NAALADL2: variants seen among roughly 807,000 people sequenced by gnomAD.
NAALADL2 encodes the protein N-acetylated alpha-linked acidic dipeptidase like 2.
In NAALADL2, 76 loss-of-function variants were observed where a neutral mutation model predicts 87.2. That is an observed-to-expected ratio of 0.87 (90% CI 0.72 to 1.05). The LOEUF is 1.05. Among genes scored for constraint, NAALADL2 ranks in the 50% least tolerant of loss-of-function variants. NAALADL2 has a pLI of 0.00. For synonymous variants in NAALADL2, 354 were observed against 331.0 expected (o/e 1.07, Z -0.75); for missense variants, 1,089 against 945.8 (o/e 1.15, Z -1.99).
chr3:174,628,992 G>A (rs1721859350), intron 2 of NAALADL2, among the ~76,000 whole-genome samples: 1 of 152,108 alleles, frequency 6.6e-6, no homozygotes, highest in Non-Finnish European at 1.5e-5. Context: ...ACAGTGACCA[G>A]GTTATAAAAC....
intron 1 of NAALADL2, among the ~76,000 whole-genome samples, chr3:174,508,370 C>T (rs1719363356): frequency 6.6e-6 from 1 of 152,096 alleles, no homozygotes; most frequent in African/African-American, 2.4e-5. Context: ...GTCTCGGCCT[C>T]CCAAAGTGCC....
rs187510284 is a variant in NAALADL2, at chr3:174,533,964, A to T, written c.-183-16605A>T. 9.4e-4 allele frequency among the ~76,000 whole-genome samples: 143 copies of T among 152,350 alleles called. 1 individual carries two copies. Among genetic ancestry groups the T allele is most frequent in the Non-Finnish European group, 1.3e-3 (90 of 68,030 alleles). The stretch of plus-strand genomic sequence containing the variant: ...CATGCAATTGTTGTGGTTGGATATT[A>T]AAAAACTCATTTTTCTCTACTTTAT... On this transcript the variant is annotated intron_variant, in intron 1 of 3. Transcript: ENST00000434257.
At chr3:174,991,315 A>C (rs537670753) in intron 1 of NAALADL2, among the ~76,000 whole-genome samples, 1 of 152,040 alleles carries the variant, frequency 6.6e-6, no homozygotes, top group East Asian at 1.9e-4. Context: ...TTTAAAATTC[A>C]TTTGTCTTTT....
intron 1 of NAALADL2, among the ~76,000 whole-genome samples, chr3:174,990,900 C>G (rs1746645309): frequency 6.6e-6 from 1 of 152,132 alleles, no homozygotes; most frequent in Admixed American, 6.6e-5. Flanking sequence ...GTGAAAGGCA[C>G]TCCCCTAGAG....
chr3:175,104,787 T>A (rs1722815519), intron 2 of NAALADL2, among the ~76,000 whole-genome samples: 1 of 152,118 alleles, frequency 6.6e-6, no homozygotes. Context: ...CTATCGTTGA[T>A]CTCTCCAGAT....
At chr3:174,954,802 A>T (rs1740917681) in intron 1 of NAALADL2, among the ~76,000 whole-genome samples, 1 of 152,034 alleles carries the variant, frequency 6.6e-6, no homozygotes, top group South Asian at 2.1e-4. Context: ...TGTCAGGGGA[A>T]CCTATGCTGG....
chr3:174,690,140 A>G (rs1728427356), intron 2 of NAALADL2, among the ~76,000 whole-genome samples: 2 of 152,192 alleles, frequency 1.3e-5, no homozygotes, highest in South Asian at 4.1e-4. Context: ...AAATATCAAG[A>G]TGTGATTTCA....
chr3:174,765,050 T>G (rs1004415960), intron 3 of NAALADL2, among the ~76,000 whole-genome samples: 2 of 150,234 alleles, frequency 1.3e-5, no homozygotes, highest in East Asian at 2.0e-4. Context: ...AGACACTAAA[T>G]AACCAAGAAA....
At chr3:175,688,863 G>C (rs1736673652) in intron 11 of NAALADL2, among the ~76,000 whole-genome samples, 1 of 152,158 alleles carries the variant, frequency 6.6e-6, no homozygotes, top group African/African-American at 2.4e-5. Flanking sequence ...AGGCTAATGT[G>C]TAAAGAGCAA....
At chr3:175,304,413 T>C (rs139726257) in intron 4 of NAALADL2, among the ~76,000 whole-genome samples, 156 of 152,318 alleles carry the variant, frequency 1.0e-3, no homozygotes, top group Middle Eastern at 3.4e-3. Flanking sequence ...TATTCAATAA[T>C]TGAAACCCTG....
chr3:175,145,815 G>T (rs1296290312), intron 2 of NAALADL2, among the ~76,000 whole-genome samples: 5 of 151,990 alleles, frequency 3.3e-5, no homozygotes, highest in South Asian at 2.1e-4. Flanking sequence ...TTTAATAAAA[G>T]ATATTCTAAA....
chr3:174,584,025 G>A (rs370367754), intron 2 of NAALADL2, among the ~76,000 whole-genome samples: 23 of 152,058 alleles, frequency 1.5e-4, no homozygotes, highest in African/African-American at 5.1e-4. Context: ...ATCTAAAAAG[G>A]GCATATTTTA....
intron 5 of NAALADL2, among the ~76,000 whole-genome samples, chr3:175,423,428 C>T (rs28807759): frequency 0.55 from 72,623 of 131,504 alleles, 21,065 homozygotes; most frequent in East Asian, 0.65. Context: ...CCCCCCATCC[C>T]ACAACAGGCC....
intron 3 of NAALADL2, among the ~76,000 whole-genome samples, chr3:174,764,641 A>T (rs906666877): frequency 1.3e-5 from 2 of 152,148 alleles, no homozygotes; most frequent in African/African-American, 4.8e-5. Flanking sequence ...AATAAATAAA[A>T]AGCAAACAAA....
chr3:175,674,642 A>T (rs886192865), intron 11 of NAALADL2, among the ~76,000 whole-genome samples: 6 of 151,990 alleles, frequency 3.9e-5, no homozygotes, highest in African/African-American at 1.4e-4. Context: ...TGAGTGTTTC[A>T]TTTTAATTAA....
chr3:175,017,987 T>A (rs964311569), intron 1 of NAALADL2, among the ~76,000 whole-genome samples: 4 of 151,968 alleles, frequency 2.6e-5, no homozygotes, highest in Admixed American at 6.6e-5. Context: ...TGCAACCCCA[T>A]CCTTCACTGG....
chr3:174,628,487 A>G (rs971798286), intron 2 of NAALADL2, among the ~76,000 whole-genome samples: 1 of 151,656 alleles, frequency 6.6e-6, no homozygotes, highest in Non-Finnish European at 1.5e-5. Context: ...AAAAAAAAAA[A>G]AAAAAAAAAA....
chr3:174,876,166 T>C (rs1728482211), intron 1 of NAALADL2, among the ~76,000 whole-genome samples: 1 of 152,130 alleles, frequency 6.6e-6, no homozygotes, highest in Admixed American at 6.6e-5. Flanking sequence ...CTGCACAAAA[T>C]ACAATAAAAA....
chr3:174,804,516 G>C (rs896067460), intron 3 of NAALADL2, among the ~76,000 whole-genome samples: 1 of 152,132 alleles, frequency 6.6e-6, no homozygotes, highest in African/African-American at 2.4e-5. Flanking sequence ...GAATAGGAGT[G>C]GTGAGAGAGG....
Sources: allele counts gnomAD v4.1 joint callset (sites outside exome capture counted in the v4.1 genomes callset), GRCh38; gene constraint gnomAD v4.1.1; transcripts MANE v1.5; gene names NCBI Gene and HGNC (gene_info 2026-07-23, HGNC 2026-07-21).